GNAQ: variants seen among roughly 807,000 people sequenced by gnomAD.
GNAQ encodes guanine nucleotide-binding protein G(q) subunit alpha.
GNAQ carries 8 observed loss-of-function variants against 43.9 expected under a neutral mutation model. The observed-to-expected ratio is 0.18, with a 90% confidence interval of 0.11 to 0.33. The LOEUF is 0.33. Ranked by LOEUF, GNAQ falls within the 10% of genes least tolerant of loss-of-function variation. GNAQ has a pLI of 1.00. For synonymous variants in GNAQ, 155 were observed against 170.7 expected, an observed-to-expected ratio of 0.91 and a Z score of 0.71; for missense variants, 158 against 450.8, an observed-to-expected ratio of 0.35 and a Z score of 5.88.
intron 1 of GNAQ, among the ~76,000 whole-genome samples, chr9:78,007,516 A>G (rs531161201): frequency 3.9e-5 from 6 of 152,298 alleles, no homozygotes; most frequent in African/African-American, 1.4e-4. Context: ...AAGAACATAC[A>G]AAGAAGGCTG....
At chr9:77,736,969 A>AT (rs952049187) in intron 5 of GNAQ, among the ~76,000 whole-genome samples, 5 of 152,094 alleles carry the variant, frequency 3.3e-5, no homozygotes, top group Admixed American at 3.3e-4. Flanking sequence ...CTTTACGCTT[A>AT]TTTTTTTACT....
intron 1 of GNAQ, among the ~76,000 whole-genome samples, chr9:77,998,103 G>A (rs1259387986): frequency 6.6e-6 from 1 of 152,106 alleles, no homozygotes; most frequent in Non-Finnish European, 1.5e-5. Context: ...CGAGGGCCCA[G>A]GACCAGAGCA....
chr9:77,833,479 G>A (rs1333163100), intron 2 of GNAQ, among the ~76,000 whole-genome samples: 1 of 152,178 alleles, frequency 6.6e-6, no homozygotes, highest in Non-Finnish European at 1.5e-5. Flanking sequence ...AGTCCCCAGG[G>A]TAAGTGGGAA....
chr9:77,806,782 C>T (rs192180502), intron 3 of GNAQ, among the ~76,000 whole-genome samples: 170 of 152,270 alleles, frequency 1.1e-3, no homozygotes, highest in Non-Finnish European at 1.8e-3. Flanking sequence ...AGGCACTAGG[C>T]TTAGGCTGAG....
At chr9:77,937,429 C>T (rs963376533) in intron 1 of GNAQ, among the ~76,000 whole-genome samples, 2 of 151,922 alleles carry the variant, frequency 1.3e-5, no homozygotes, top group African/African-American at 4.8e-5. Context: ...CAGAGAAAGA[C>T]TACATCTCAA....
chr9:77,943,830 C>A, intron 1 of GNAQ, among the ~76,000 whole-genome samples: 1 of 151,980 alleles, frequency 6.6e-6, no homozygotes. Context: ...CCACGCCTGG[C>A]TAATTGTTGT....
At chr9:77,941,177 T>C (rs981449232) in intron 1 of GNAQ, among the ~76,000 whole-genome samples, 3 of 152,118 alleles carry the variant, frequency 2.0e-5, no homozygotes, top group Non-Finnish European at 4.4e-5. Context: ...TAAGGCAAAA[T>C]TGGAATTCTA....
chr9:77,773,196 ATATTTTAATCT>A (rs1826253316), intron 5 of GNAQ, among the ~76,000 whole-genome samples: 2 of 152,206 alleles, frequency 1.3e-5, no homozygotes, highest in South Asian at 4.1e-4. Context: ...ACTTTTCCCC[ATATTTTAATCT>A]TATTTAACAA....
chr9:78,016,390 A>G (rs1823838276), intron 1 of GNAQ, among the ~76,000 whole-genome samples: 1 of 152,184 alleles, frequency 6.6e-6, no homozygotes, highest in African/African-American at 2.4e-5. Flanking sequence ...AAAGTTTTAG[A>G]AATATATAAA....
intron 6 of GNAQ, among the ~76,000 whole-genome samples, chr9:77,724,177 TACCA>T (rs1825361668): frequency 6.6e-6 from 1 of 152,096 alleles, no homozygotes. Flanking sequence ...GTTAGTTCTA[TACCA>T]AGCAATAAGA....
rs72279886 is a variant in GNAQ, at chr9:77,984,049, C to CAAAAAAAAAAAA, written c.136+47039_136+47050dup. On this transcript the variant is annotated intron_variant, in intron 1 of 6. Coordinates refer to ENST00000286548, the MANE Select transcript of GNAQ (RefSeq NM_002072.5). ...CATATGCAAGTAGAATTTTGGAGAG[C>CAAAAAAAAAAAA]AAAAAAAAAAAAAAAAAAAAAAAAA... Among the ~76,000 whole-genome samples, 24 of 67,966 alleles carry CAAAAAAAAAAAA rather than the reference C, an allele frequency of 3.5e-4. 2 individuals carry two copies. Among genetic ancestry groups the CAAAAAAAAAAAA allele is most frequent in the African/African-American group, 1.1e-3 (19 of 17,984 alleles). 44.6% of individuals were successfully genotyped at this position (67,966 alleles called of 152,430 possible). A position where few individuals can be genotyped will look rare whatever the true frequency, so the allele number is the denominator to read the frequency against.
At chr9:77,855,294 A>G (rs1446616289) in intron 2 of GNAQ, among the ~76,000 whole-genome samples, 3 of 152,184 alleles carry the variant, frequency 2.0e-5, no homozygotes, top group African/African-American at 7.2e-5. Flanking sequence ...AATAAATTAA[A>G]AGAAAGGCAG....
chr9:78,005,342 C>A (rs1428126848), intron 1 of GNAQ, among the ~76,000 whole-genome samples: 2 of 152,130 alleles, frequency 1.3e-5, no homozygotes, highest in Non-Finnish European at 2.9e-5. Context: ...ACTGTACCCA[C>A]CCAACTGTAA....
At chr9:77,953,285 G>A (rs1823003719) in intron 1 of GNAQ, among the ~76,000 whole-genome samples, 1 of 152,214 alleles carries the variant, frequency 6.6e-6, no homozygotes, top group South Asian at 2.1e-4. Flanking sequence ...TGATCTGAAA[G>A]TGCATTTAAG....
chr9:77,769,073 T>C (rs1826178132), intron 5 of GNAQ, among the ~76,000 whole-genome samples: 1 of 152,132 alleles, frequency 6.6e-6, no homozygotes, highest in Admixed American at 6.6e-5. Flanking sequence ...CCCACTGAAG[T>C]AGCACCTCAT....
intron 2 of GNAQ, among the ~76,000 whole-genome samples, chr9:77,857,502 C>T (rs545518471): frequency 6.7e-5 from 8 of 119,188 alleles, no homozygotes; most frequent in African/African-American, 2.6e-4. Context: ...GGAAGAGACA[C>T]AGGAAAGAAG....
chr9:77,908,275 ACC>A (rs1286320881), intron 2 of GNAQ, among the ~76,000 whole-genome samples: 8 of 151,956 alleles, frequency 5.3e-5, no homozygotes, highest in Non-Finnish European at 1.2e-4. Flanking sequence ...AAATCCATGA[ACC>A]CCTTCAGAAG....
chr9:77,734,809 G>A (rs527778847), intron 5 of GNAQ, among the ~76,000 whole-genome samples: 1 of 152,304 alleles, frequency 6.6e-6, no homozygotes, highest in East Asian at 1.9e-4. Flanking sequence ...TTACTTAAAT[G>A]AGTGAAGTCC....
At position 77,761,838 on chromosome 9, in the gene GNAQ, G is replaced by A. The variant is rs1479956671; in HGVS notation, c.735+32625C>T. Among the ~76,000 whole-genome samples the A allele has an allele frequency of 1.3e-4, 7 of 53,436 alleles. 1 individual carries two copies. Among genetic ancestry groups the A allele is most frequent in the African/African-American group, 3.9e-4 (7 of 17,992 alleles). The allele number at this position is 53,436 out of a possible 152,430, so 35.1% of individuals were successfully genotyped here. A position where few individuals can be genotyped will look rare whatever the true frequency, so the allele number is the denominator to read the frequency against. ...CTCTGCCCGGCCAGCCGCCCCGTCC[G>A]GGAGGGAGGTGGGGGGGGTCAGCCC... On this transcript the variant is annotated intron_variant, in intron 5 of 6. Transcript: ENST00000286548.
Sources: allele counts gnomAD v4.1 joint callset (sites outside exome capture counted in the v4.1 genomes callset), GRCh38; gene constraint gnomAD v4.1.1; transcripts MANE v1.5; gene names NCBI Gene and HGNC (gene_info 2026-07-23, HGNC 2026-07-21).